Variants in IL1RAPL2 observed in about 807,000 individuals in gnomAD.
The protein encoded by IL1RAPL2 is interleukin 1 receptor accessory protein like 2.
A neutral mutation model predicts 44.1 loss-of-function variants in IL1RAPL2; 3 were observed. The observed-to-expected ratio is 0.07, with a 90% CI of 0.03 to 0.18. IL1RAPL2 has a LOEUF of 0.18. Ranked by LOEUF, IL1RAPL2 falls within the 10% of genes least tolerant of loss-of-function variation. The pLI is 1.00. For missense variants in IL1RAPL2, 391 were observed against 496.4 expected (o/e 0.79, Z 2.02); for synonymous variants, 181 against 178.8 (o/e 1.01, Z -0.10).
At chrX:105,456,986 A>G (rs916046665) in intron 5 of IL1RAPL2, among the ~76,000 whole-genome samples, 7 of 106,892 alleles carry the variant, frequency 6.5e-5, no homozygotes, top group Admixed American at 2.1e-4. Flanking sequence ...TTGATTGATA[A>G]TATTTTCAGT....
intron 2 of IL1RAPL2, among the ~76,000 whole-genome samples, chrX:105,014,377 A>G (rs145527151): frequency 0.022 from 2,484 of 110,496 alleles, 70 homozygotes; most frequent in African/African-American, 0.078. Flanking sequence ...GGTTTGTTAC[A>G]TAGGTATACA....
intron 1 of IL1RAPL2, among the ~76,000 whole-genome samples, chrX:104,605,291 C>T (rs1246089617): frequency 9.0e-6 from 1 of 111,387 alleles, no homozygotes; most frequent in Non-Finnish European, 1.9e-5. Flanking sequence ...ACACAATGTA[C>T]CAGAATCTCT....
At chrX:105,018,834 G>C (rs1232460084) in intron 2 of IL1RAPL2, among the ~76,000 whole-genome samples, 4 of 111,409 alleles carry the variant, frequency 3.6e-5, no homozygotes, top group Non-Finnish European at 7.6e-5. Flanking sequence ...TTCATTCCCA[G>C]CAAATTACCA....
In IL1RAPL2 at chrX:105,384,722, C is replaced by A. The variant is rs2035463537; in HGVS notation, c.698-99591C>A. On this transcript the variant is annotated intron_variant, in intron 5 of 10. Transcript: ENST00000372582. ...GGTAGTATGGACACTTTAACACATTCATTCCTCTAATCCATGAACATGGGG... is the reference window on the plus strand; with the variant it reads ...GGTAGTATGGACACTTTAACACATTAATTCCTCTAATCCATGAACATGGGG... Among the ~76,000 whole-genome samples, 3 of 111,080 alleles carry A rather than the reference C, an allele frequency of 2.7e-5. No homozygotes were observed. The Admixed American group carries it at 2.9e-4, about 11-fold the overall frequency.
rs181192256 is a variant in IL1RAPL2, at chrX:105,611,998, T to C, written c.773-105369T>C. On this transcript the variant is annotated intron_variant, in intron 6 of 10. Coordinates refer to ENST00000372582, the MANE Select transcript of IL1RAPL2 (RefSeq NM_017416.2). ...GCATACAAGTCTTTCTGTGGGCATA[T>C]GTTATTATATTTCTTGGGTAAATAC... is the stretch of plus-strand genomic sequence containing the variant. 2.7e-5 allele frequency among the ~76,000 whole-genome samples: 3 copies of C among 112,296 alleles called. No homozygotes were observed. In the Admixed American group the frequency reaches 2.8e-4, roughly 11 times the overall value.
At chrX:104,887,962 ATG>A (rs1923299182) in intron 2 of IL1RAPL2, among the ~76,000 whole-genome samples, 1 of 111,596 alleles carries the variant, frequency 9.0e-6, no homozygotes, top group Admixed American at 9.6e-5. Context: ...AAAAGAATAA[ATG>A]TGTATACAAA....
At chrX:105,231,395 C>A (rs1378085009) in intron 3 of IL1RAPL2, among the ~76,000 whole-genome samples, 1 of 111,580 alleles carries the variant, frequency 9.0e-6, no homozygotes, top group South Asian at 3.7e-4. Flanking sequence ...TGATATTTGA[C>A]AAGCCATATA....
chrX:105,184,160 CT>C (rs1211313113), intron 2 of IL1RAPL2, among the ~76,000 whole-genome samples: 8 of 111,658 alleles, frequency 7.2e-5, no homozygotes, highest in Non-Finnish European at 1.1e-4. Flanking sequence ...AGCGGCCTCA[CT>C]TTCCTTTCCA....
At chrX:104,979,023 T>C (rs1006445297) in intron 2 of IL1RAPL2, among the ~76,000 whole-genome samples, 2 of 110,260 alleles carry the variant, frequency 1.8e-5, no homozygotes, top group Non-Finnish European at 3.8e-5. Context: ...ATACAAAACA[T>C]GAAAATAAAC....
chrX:105,681,991 T>C (rs1049364977), intron 6 of IL1RAPL2, among the ~76,000 whole-genome samples: 1 of 111,513 alleles, frequency 9.0e-6, no homozygotes, highest in Non-Finnish European at 1.9e-5. Context: ...GACAAAAGAC[T>C]ATGGTTAGTT....
intron 5 of IL1RAPL2, among the ~76,000 whole-genome samples, chrX:105,427,904 C>CA (rs1301243785): frequency 1.8e-5 from 2 of 111,362 alleles, no homozygotes; most frequent in African/African-American, 6.5e-5. Flanking sequence ...TTCATTGTAA[C>CA]TAGATGTTGG....
At position 104,942,034 on chromosome X, in the gene IL1RAPL2, T is replaced by C. The variant is rs773035579; in HGVS notation, c.83-253441T>C. 9.9e-5 allele frequency among the ~76,000 whole-genome samples: 11 copies of C among 111,402 alleles called. No homozygotes were observed. The South Asian group carries it at 4.1e-3, about 42-fold the overall frequency. ...TAGATGTGTGGTATTATTTCTGAGG[T>C]CTCTGTTCTGTTCCATTGGTCTGTA... is the stretch of plus-strand genomic sequence containing the variant. On this transcript the variant is annotated intron_variant, in intron 2 of 10. Coordinates refer to ENST00000372582, the MANE Select transcript of IL1RAPL2 (RefSeq NM_017416.2).
At chrX:105,419,304 A>G (rs761209234) in intron 5 of IL1RAPL2, among the ~76,000 whole-genome samples, 29 of 111,986 alleles carry the variant, frequency 2.6e-4, no homozygotes, top group Admixed American at 1.3e-3. Context: ...TTTTGAAACC[A>G]CAAGGTTTAC....
intron 5 of IL1RAPL2, among the ~76,000 whole-genome samples, chrX:105,282,125 A>G (rs1403902633): frequency 8.9e-6 from 1 of 112,336 alleles, no homozygotes; most frequent in African/African-American, 3.2e-5. Flanking sequence ...TGGTCAGGGC[A>G]AGTATTGTTG....
chrX:104,636,078 G>A (rs1163670563), intron 1 of IL1RAPL2, among the ~76,000 whole-genome samples: 1 of 112,281 alleles, frequency 8.9e-6, no homozygotes, highest in African/African-American at 3.2e-5. Context: ...ACCCTCAGCT[G>A]CAAGTCTGTT....
At chrX:105,411,124 T>G (rs1184575043) in intron 5 of IL1RAPL2, among the ~76,000 whole-genome samples, 1 of 111,710 alleles carries the variant, frequency 9.0e-6, no homozygotes, top group African/African-American at 3.2e-5. Context: ...TTCATTATGT[T>G]AGTTCCATGA....
chrX:105,422,991 C>G (rs1217403511), intron 5 of IL1RAPL2, among the ~76,000 whole-genome samples: 1 of 110,742 alleles, frequency 9.0e-6, no homozygotes, highest in African/African-American at 3.3e-5. Context: ...ACACAATTGA[C>G]AAGGAAATTT....
intron 4 of IL1RAPL2, among the ~76,000 whole-genome samples, chrX:105,258,145 A>T (rs1027540581): frequency 3.6e-5 from 4 of 111,660 alleles, no homozygotes; most frequent in African/African-American, 1.3e-4. Context: ...TTCCCTAAAC[A>T]TTTGCTTATC....
At chrX:105,102,383 A>G (rs1293574235) in intron 2 of IL1RAPL2, among the ~76,000 whole-genome samples, 1 of 111,941 alleles carries the variant, frequency 8.9e-6, no homozygotes, top group East Asian at 2.8e-4. Context: ...CACAAATGCT[A>G]TATCATTCTC....
Sources: allele counts gnomAD v4.1 joint callset (sites outside exome capture counted in the v4.1 genomes callset), GRCh38; gene constraint gnomAD v4.1.1; transcripts MANE v1.5; gene names NCBI Gene and HGNC (gene_info 2026-07-23, HGNC 2026-07-21).